The following AKAP13 variants were observed in gnomAD, a reference collection of about 807,000 sequenced individuals.
The protein encoded by AKAP13 is A-kinase anchoring protein 13, also known as A-kinase anchor protein 13.
In AKAP13, 80 loss-of-function variants were observed where a neutral mutation model predicts 264.5. The ratio of observed to expected loss-of-function variants is 0.30; its 90% CI spans 0.25 to 0.36. The LOEUF (loss-of-function observed/expected upper bound fraction) is 0.36. AKAP13 is among the 10% of genes least tolerant of loss of function. The pLI is 1.00. For missense variants in AKAP13, 3,712 were observed against 3,435.2 expected, an observed-to-expected ratio of 1.08 and a Z score of -2.01; for synonymous variants, 1,380 against 1,250.2, an observed-to-expected ratio of 1.10 and a Z score of -2.19.
At chr15:85,526,412 C>T (rs899079425) in intron 3 of AKAP13, among the ~76,000 whole-genome samples, 1 of 151,208 alleles carries the variant, frequency 6.6e-6, no homozygotes, top group Non-Finnish European at 1.5e-5. Flanking sequence ...GTAAGTGGCA[C>T]GTGTGTGTGT....
rs569421391 is a variant in AKAP13, at chr15:85,543,647, T to C, written c.479-125T>C. On this transcript the variant is annotated intron_variant, in intron 4 of 36. Transcript: ENST00000394518. ...CAATAAAGCTGTTCACACTGTATGT[T>C]GTAGCTTAACTTTACAATCTTAGGC... 5.4e-6 allele frequency: 6 copies of C among 1,110,190 alleles called. No homozygotes were observed. In the East Asian group the frequency reaches 1.3e-4, roughly 24 times the overall value. 68.8% of individuals were successfully genotyped at this position (1,110,190 alleles called of 1,614,324 possible). A position where few individuals can be genotyped will look rare whatever the true frequency, so the allele number is the denominator to read the frequency against.
At chr15:85,695,690 C>A (rs1486102265) in intron 17 of AKAP13, among the ~76,000 whole-genome samples, 1 of 152,210 alleles carries the variant, frequency 6.6e-6, no homozygotes, top group East Asian at 1.9e-4. Flanking sequence ...AGAGCTCTCA[C>A]CCGAATCCTC....
At chr15:85,650,839 C>T (rs2082801029) in intron 10 of AKAP13, among the ~76,000 whole-genome samples, 1 of 122,934 alleles carries the variant, frequency 8.1e-6, no homozygotes, top group South Asian at 3.0e-4. Context: ...TTATTAAAAA[C>T]TTAAAACTGT....
intron 5 of AKAP13, chr15:85,555,531 A>G (rs1056689225): frequency 3.4e-6 from 4 of 1,191,982 alleles, no homozygotes; most frequent in Non-Finnish European, 4.4e-6. Flanking sequence ...GTTAATCTTC[A>G]TTGTTTATTC....
At chr15:85,414,904 A>G (rs1012359694) in intron 1 of AKAP13, among the ~76,000 whole-genome samples, 20 of 151,304 alleles carry the variant, frequency 1.3e-4, no homozygotes, top group African/African-American at 4.8e-4. Flanking sequence ...TCTGTTTTCT[A>G]AAATGGATTC....
chr15:85,601,031 ATGTACTTGGC>A (rs1395790665), intron 8 of AKAP13, among the ~76,000 whole-genome samples: 1 of 152,242 alleles, frequency 6.6e-6, no homozygotes, highest in Non-Finnish European at 1.5e-5. Flanking sequence ...TAAAATATCC[ATGTACTTGGC>A]TGACTTCTTA....
intron 31 of AKAP13, 90 bp downstream of exon 31, chr15:85,735,240 C>A: frequency 6.7e-7 from 1 of 1,496,846 alleles, no homozygotes; most frequent in Non-Finnish European, 9.0e-7. Flanking sequence ...GCTACATCAC[C>A]GCTCCCAATC....
chr15:85,655,216 A>G (rs899206351), intron 10 of AKAP13, among the ~76,000 whole-genome samples: 1 of 152,086 alleles, frequency 6.6e-6, no homozygotes, highest in Non-Finnish European at 1.5e-5. Context: ...AAGAGGATAG[A>G]TCTAGACTGT....
At position 85,580,134 on chromosome 15, in the gene AKAP13, A is replaced by T. The variant is rs140010500; in HGVS notation, c.2066A>T (p.Glu689Val). 9.2e-5 allele frequency: 148 copies of T among 1,614,218 alleles called. No homozygotes were observed. The highest frequency in any genetic ancestry group is 1.2e-4 in the Admixed American group (7 of 60,022). The change falls in exon 7 of 37, where the codon GAG becomes GTG. Residue 689 changes from glutamate to valine, a missense_variant. Glu to Val is a moderately radical substitution (Grantham distance 121). Transcript: ENST00000394518. ...VAKLCDNIVS[E>V]SESTTARQPS... ...AAACTGTGTGATAACATAGTTAGCG[A>T]GTCCGAAAGCACCACAGCAAGGCAA...
intron 3 of AKAP13, among the ~76,000 whole-genome samples, chr15:85,523,172 G>A (rs11855789): frequency 0.52 from 79,172 of 151,578 alleles, 21,120 homozygotes; most frequent in Middle Eastern, 0.62. Context: ...TAGAAACTCT[G>A]TTAACTAAGC....
At chr15:85,544,272 A>G (rs756107211) in intron 5 of AKAP13, 5 of 437,220 alleles carry the variant, frequency 1.1e-5, no homozygotes, top group Admixed American at 8.4e-5. Context: ...AACATTACCA[A>G]TGTATACAGT....
At chr15:85,545,761 A>G (rs2077713248) in intron 5 of AKAP13, among the ~76,000 whole-genome samples, 1 of 152,244 alleles carries the variant, frequency 6.6e-6, no homozygotes, top group African/African-American at 2.4e-5. Flanking sequence ...AGAATTTGGT[A>G]GAATTTCAGT....
chr15:85,575,097 T>C (rs377752753), intron 5 of AKAP13, 34 bp from the exon 6 acceptor site: 5 of 1,599,892 alleles, frequency 3.1e-6, no homozygotes, highest in African/African-American at 2.7e-5. Context: ...GGAGGCAGAA[T>C]GTATATATAT....
intron 13 of AKAP13, among the ~76,000 whole-genome samples, chr15:85,665,284 G>C (rs540308597): frequency 2.7e-4 from 41 of 152,250 alleles, no homozygotes; most frequent in African/African-American, 9.1e-4. Flanking sequence ...TTTAAAATTA[G>C]GAAAGTATCC....
chr15:85,566,698 C>G (rs547064199), intron 5 of AKAP13, among the ~76,000 whole-genome samples: 1 of 149,474 alleles, frequency 6.7e-6, no homozygotes, highest in Non-Finnish European at 1.5e-5. Flanking sequence ...GCAGCCTCGA[C>G]TCACTGCAAC....
chr15:85,657,161 A>C (rs1263994567), intron 11 of AKAP13, among the ~76,000 whole-genome samples: 1 of 63,630 alleles, frequency 1.6e-5, no homozygotes, highest in African/African-American at 1.2e-4. Context: ...TAATAATAAT[A>C]GTAGTAATAA....
intron 8 of AKAP13, among the ~76,000 whole-genome samples, chr15:85,625,901 A>G (rs888984616): frequency 6.6e-6 from 1 of 152,234 alleles, no homozygotes; most frequent in Admixed American, 6.5e-5. Flanking sequence ...TGCCACATCA[A>G]TGATTCTGAA....
chr15:85,386,013 T>A (rs935662469), intron 1 of AKAP13, among the ~76,000 whole-genome samples: 2 of 151,792 alleles, frequency 1.3e-5, no homozygotes, highest in African/African-American at 4.8e-5. Context: ...TTAGTAGAGA[T>A]GGGGCTTTTC....
intron 11 of AKAP13, 70 bp from the exon 12 acceptor site, chr15:85,658,467 G>A: frequency 1.5e-6 from 2 of 1,357,292 alleles, no homozygotes; most frequent in Non-Finnish European, 2.1e-6. Flanking sequence ...TGTGGTGTCT[G>A]TATGTTTCAT....
Sources: gnomAD v4.1 joint callset for allele counts (sites outside exome capture counted in the v4.1 genomes callset) on GRCh38, gnomAD v4.1.1 for gene constraint, MANE v1.5 for transcripts, NCBI Gene and HGNC (gene_info 2026-07-23, HGNC 2026-07-21) for gene names.